CDKAL1: variants seen among roughly 807,000 people sequenced by gnomAD.
CDKAL1 encodes CDKAL1 threonylcarbamoyladenosine tRNA methylthiotransferase, also known as threonylcarbamoyladenosine tRNA methylthiotransferase.
A neutral mutation model predicts 68.2 loss-of-function variants in CDKAL1; 32 were observed. The observed-to-expected ratio is 0.47, with a 90% CI of 0.35 to 0.63. The LOEUF is 0.63. Among genes scored for constraint, CDKAL1 ranks in the 30% least tolerant of loss-of-function variants. CDKAL1 has a pLI of 0.00. For missense variants in CDKAL1, 606 were observed against 696.7 expected (o/e 0.87, Z 1.47); for synonymous variants, 234 against 244.3 (o/e 0.96, Z 0.39).
chr6:20,890,865 A>G (rs547352720), intron 9 of CDKAL1, among the ~76,000 whole-genome samples: 3 of 152,248 alleles, frequency 2.0e-5, no homozygotes, highest in Non-Finnish European at 4.4e-5. Flanking sequence ...TAATAAAAAC[A>G]ATAGTAACGT....
chr6:20,855,920 T>C (rs763656551), intron 9 of CDKAL1, among the ~76,000 whole-genome samples: 1 of 152,210 alleles, frequency 6.6e-6, no homozygotes, highest in Non-Finnish European at 1.5e-5. Context: ...CATAATTCTT[T>C]CAGCGAGACG....
intron 8 of CDKAL1, among the ~76,000 whole-genome samples, chr6:20,783,623 G>A (rs1775529511): frequency 6.6e-6 from 1 of 151,958 alleles, no homozygotes; most frequent in South Asian, 2.1e-4. Context: ...TCATTTCTTG[G>A]GATGTCTGCT....
At chr6:20,951,035 T>G (rs1426928969) in intron 9 of CDKAL1, among the ~76,000 whole-genome samples, 1 of 149,526 alleles carries the variant, frequency 6.7e-6, no homozygotes, top group African/African-American at 2.5e-5. Context: ...TAGTGGGAGG[T>G]AGAGTTAGCA....
rs557851062 is a variant in CDKAL1, at chr6:21,199,652, G to A, written c.1384-1458G>A. On this transcript the variant is annotated intron_variant, in intron 14 of 15. Coordinates refer to ENST00000274695, the MANE Select transcript of CDKAL1 (RefSeq NM_017774.3). ...TTTCCAATTATTAAAACTGGAGGAGGGGAAAACACTGAGCCCTTCATTCAG... is the reference window on the plus strand; with the variant it reads ...TTTCCAATTATTAAAACTGGAGGAGAGGAAAACACTGAGCCCTTCATTCAG... Among the ~76,000 whole-genome samples, 5 of 152,278 alleles carry A rather than the reference G, an allele frequency of 3.3e-5. No individual in the cohort carries two copies. In the South Asian group the frequency reaches 8.3e-4, roughly 25 times the overall value.
At chr6:20,816,790 A>G (rs1777065619) in intron 8 of CDKAL1, among the ~76,000 whole-genome samples, 1 of 152,114 alleles carries the variant, frequency 6.6e-6, no homozygotes. Flanking sequence ...AAGCTAGAAC[A>G]TATCTGGTCA....
At chr6:20,568,763 A>T (rs1301273837) in intron 4 of CDKAL1, among the ~76,000 whole-genome samples, 1 of 151,592 alleles carries the variant, frequency 6.6e-6, no homozygotes, top group Non-Finnish European at 1.5e-5. Flanking sequence ...AAAAAACAAA[A>T]AAACAAAGAA....
intron 6 of CDKAL1, among the ~76,000 whole-genome samples, chr6:20,741,370 T>C (rs1773449700): frequency 6.6e-6 from 1 of 152,100 alleles, no homozygotes; most frequent in African/African-American, 2.4e-5. Context: ...AGGTTTGTTA[T>C]ACAGGTTAAA....
At chr6:21,164,445 T>G (rs6916053) in intron 13 of CDKAL1, among the ~76,000 whole-genome samples, 56,393 of 151,382 alleles carry the variant, frequency 0.37, 11,515 homozygotes, top group African/African-American at 0.54. Flanking sequence ...TAGCAGCCAC[T>G]GTAACCTACA....
intron 12 of CDKAL1, among the ~76,000 whole-genome samples, chr6:21,100,697 G>A (rs1773537303): frequency 1.3e-5 from 1 of 74,178 alleles, no homozygotes; most frequent in African/African-American, 6.8e-5. Flanking sequence ...ATATTTTGGG[G>A]TATTTTTTTT....
intron 5 of CDKAL1, among the ~76,000 whole-genome samples, chr6:20,675,832 A>T (rs1770067619): frequency 6.6e-6 from 1 of 152,116 alleles, no homozygotes; most frequent in Non-Finnish European, 1.5e-5. Context: ...TCAGGCAGGT[A>T]CTTCAGGAGG....
chr6:20,891,475 C>G (rs555842021), intron 9 of CDKAL1, among the ~76,000 whole-genome samples: 14 of 151,872 alleles, frequency 9.2e-5, no homozygotes, highest in Non-Finnish European at 1.9e-4. Context: ...AGTCATCCTT[C>G]GCTTCTTATT....
chr6:21,185,316 A>C (rs1777965433), intron 13 of CDKAL1, among the ~76,000 whole-genome samples: 1 of 152,094 alleles, frequency 6.6e-6, no homozygotes, highest in South Asian at 2.1e-4. Flanking sequence ...TGTTTGGACT[A>C]AATAACTGTG....
chr6:20,982,745 T>C (rs1218170645), intron 10 of CDKAL1, among the ~76,000 whole-genome samples: 1 of 152,136 alleles, frequency 6.6e-6, no homozygotes, highest in Non-Finnish European at 1.5e-5. Context: ...TTTTTTTTTA[T>C]TTGTAGAGAC....
At chr6:21,114,121 G>A (rs1055661761) in intron 13 of CDKAL1, among the ~76,000 whole-genome samples, 4 of 151,684 alleles carry the variant, frequency 2.6e-5, no homozygotes, top group Non-Finnish European at 4.4e-5. Flanking sequence ...GGTGGCCGGC[G>A]CCTGTAGTCC....
At chr6:20,831,185 G>A (rs2150463355) in intron 8 of CDKAL1, among the ~76,000 whole-genome samples, 1 of 152,216 alleles carries the variant, frequency 6.6e-6, no homozygotes, top group East Asian at 1.9e-4. Flanking sequence ...AACGAGAAGT[G>A]TGTTTATTCC....
intron 4 of CDKAL1, among the ~76,000 whole-genome samples, chr6:20,593,237 A>C (rs1237320328): frequency 2.0e-5 from 3 of 152,212 alleles, no homozygotes; most frequent in Non-Finnish European, 4.4e-5. Context: ...TAGTTTCAGA[A>C]GGAATGGTAC....
intron 5 of CDKAL1, among the ~76,000 whole-genome samples, chr6:20,676,977 A>G (rs772041275): frequency 4.3e-4 from 65 of 152,188 alleles, no homozygotes; most frequent in Non-Finnish European, 4.7e-4. Context: ...ACATGACTGT[A>G]TTTGCATAGA....
chr6:20,707,406 T>C (rs1200996207), intron 5 of CDKAL1, among the ~76,000 whole-genome samples: 1 of 152,250 alleles, frequency 6.6e-6, no homozygotes, highest in Non-Finnish European at 1.5e-5. Flanking sequence ...AGAATGCTTT[T>C]ATCATGTTGA....
intron 4 of CDKAL1, chr6:20,559,449 C>T (rs1370304266): frequency 6.6e-6 from 1 of 152,172 alleles, no homozygotes; most frequent in African/African-American, 2.4e-5. Flanking sequence ...TTTATAAGTT[C>T]TTGTTCTCAA....
Sources: allele counts gnomAD v4.1 joint callset (sites outside exome capture counted in the v4.1 genomes callset), GRCh38; gene constraint gnomAD v4.1.1; transcripts MANE v1.5; gene names NCBI Gene and HGNC (gene_info 2026-07-23, HGNC 2026-07-21).